Variants in MAPK10 observed in about 807,000 individuals in gnomAD.
MAPK10 encodes the protein JNK3 alpha protein kinase.
Under a neutral mutation model 59.3 loss-of-function variants are expected in MAPK10, and 25 were observed. The observed-to-expected ratio is 0.42, with a 90% CI of 0.31 to 0.59. The LOEUF is 0.59. MAPK10 is among the 20% of genes least tolerant of loss of function. The probability of loss-of-function intolerance (pLI) is 0.15; values close to 1 mark genes in which losing one functional copy is unlikely to be tolerated. For missense variants in MAPK10, 351 were observed against 568.9 expected (o/e 0.62, Z 3.90); for synonymous variants, 190 against 200.5 (o/e 0.95, Z 0.44).
intron 1 of MAPK10, among the ~76,000 whole-genome samples, chr4:86,483,911 G>T (rs751826800): frequency 3.3e-5 from 5 of 152,266 alleles, no homozygotes; most frequent in Non-Finnish European, 5.9e-5. Flanking sequence ...AAAGATTAAA[G>T]AATAAGAGGT....
At chr4:86,286,611 G>A (rs2148812152) in intron 2 of MAPK10, among the ~76,000 whole-genome samples, 1 of 152,298 alleles carries the variant, frequency 6.6e-6, no homozygotes, top group East Asian at 1.9e-4. Flanking sequence ...CAAGGTTAAA[G>A]AGCTAAAAGG....
At chr4:86,041,837 G>C (rs1182080756) in intron 11 of MAPK10, among the ~76,000 whole-genome samples, 1 of 152,204 alleles carries the variant, frequency 6.6e-6, no homozygotes, top group Non-Finnish European at 1.5e-5. Context: ...CGAGGCTGTG[G>C]AGAAACAGGA....
chr4:86,405,792 C>G (rs1744288404), intron 1 of MAPK10, among the ~76,000 whole-genome samples: 1 of 152,138 alleles, frequency 6.6e-6, no homozygotes, highest in East Asian at 1.9e-4. Context: ...AGAGTAGAAT[C>G]TCTGTTTATA....
chr4:86,151,687 T>A (rs2066515117), intron 4 of MAPK10, among the ~76,000 whole-genome samples: 1 of 152,028 alleles, frequency 6.6e-6, no homozygotes, highest in Non-Finnish European at 1.5e-5. Context: ...AGGGATGCCT[T>A]GAAAGAGAGA....
intron 1 of MAPK10, chr4:86,357,945 C>T: frequency 3.2e-6 from 1 of 309,936 alleles, no homozygotes; most frequent in Non-Finnish European, 4.7e-6. Flanking sequence ...TAAGGTCACA[C>T]CACCTTTGTC....
At chr4:86,494,828 G>C (rs1754741314) in intron 1 of MAPK10, among the ~76,000 whole-genome samples, 2 of 102,450 alleles carry the variant, frequency 2.0e-5, no homozygotes, top group South Asian at 7.2e-4. Flanking sequence ...GGGCGACAGA[G>C]AGAGACTCCG....
chr4:86,066,658 G>A (rs2046795297), intron 10 of MAPK10, among the ~76,000 whole-genome samples: 2 of 150,952 alleles, frequency 1.3e-5, no homozygotes, highest in South Asian at 4.2e-4. Flanking sequence ...CCAGCTACTC[G>A]GGAGGTTGAG....
intron 1 of MAPK10, among the ~76,000 whole-genome samples, chr4:86,459,091 A>G (rs914373167): frequency 6.6e-6 from 1 of 152,262 alleles, no homozygotes; most frequent in Non-Finnish European, 1.5e-5. Context: ...GCCATAAAAA[A>G]GTGGGCTAAG....
Position 86,334,715 on chromosome 4 carries a change from AC to A in MAPK10, c.-7+19814del, listed in dbSNP as rs1720010231. On this transcript the variant is annotated intron_variant, in intron 2 of 13. Transcript: ENST00000641462. Reference sequence around the variant, plus strand: ...TTTCCTCAAGGAGACTTCCTCTGACACCCACAGTATATTCAGTACCCTATGC... The same window carrying A: ...TTTCCTCAAGGAGACTTCCTCTGACACCACAGTATATTCAGTACCCTATGC... Among the ~76,000 whole-genome samples the A allele has an allele frequency of 2.6e-5, 4 of 151,516 alleles. No homozygotes were observed. In the Admixed American group the frequency reaches 2.6e-4, roughly 10 times the overall value.
chr4:86,356,550 A>T, intron 1 of MAPK10: 3 of 622,268 alleles, frequency 4.8e-6, no homozygotes, highest in Non-Finnish European at 6.0e-6. Context: ...AAGATATGCA[A>T]AACACAGGTT....
chr4:86,055,732 T>A (rs2044420929), intron 11 of MAPK10, among the ~76,000 whole-genome samples: 1 of 149,814 alleles, frequency 6.7e-6, no homozygotes. Flanking sequence ...TTTAGTGAAA[T>A]GAAGTTTTTC....
intron 9 of MAPK10, among the ~76,000 whole-genome samples, chr4:86,075,353 C>G (rs896174865): frequency 1.3e-5 from 2 of 152,080 alleles, no homozygotes; most frequent in Admixed American, 6.5e-5. Flanking sequence ...CCTCCCGTAG[C>G]TCAGAGTAAT....
At chr4:86,091,773 A>G (rs2053235969) in intron 9 of MAPK10, among the ~76,000 whole-genome samples, 2 of 151,746 alleles carry the variant, frequency 1.3e-5, no homozygotes, top group Non-Finnish European at 2.9e-5. Flanking sequence ...CCCTGGGTTC[A>G]AGTGATTCTC....
At chr4:86,172,555 C>T (rs1441004923) in intron 3 of MAPK10, among the ~76,000 whole-genome samples, 1 of 149,606 alleles carries the variant, frequency 6.7e-6, no homozygotes, top group Admixed American at 6.7e-5. Flanking sequence ...AGGGGAATAT[C>T]ACACTCTGCG....
chr4:86,339,232 AG>A (rs1723446967), intron 2 of MAPK10, among the ~76,000 whole-genome samples: 1 of 152,146 alleles, frequency 6.6e-6, no homozygotes, highest in Admixed American at 6.5e-5. Flanking sequence ...GCAGTGACTA[AG>A]GGAGGCATGC....
chr4:86,152,274 AAAG>A (rs1309260079), intron 4 of MAPK10: 4 of 152,330 alleles, frequency 2.6e-5, no homozygotes, highest in East Asian at 3.9e-4. Context: ...GATAAAAAAT[AAAG>A]AAGAATAGAA....
chr4:86,034,268 G>A (rs2039713843), intron 11 of MAPK10, among the ~76,000 whole-genome samples: 1 of 152,024 alleles, frequency 6.6e-6, no homozygotes, highest in Non-Finnish European at 1.5e-5. Context: ...ATATTATTTT[G>A]GAAGATTTGA....
chr4:86,477,166 G>A lies in MAPK10; in HGVS notation c.-263+116744C>T, dbSNP rs192771942. Among the ~76,000 whole-genome samples the A allele has an allele frequency of 3.1e-3, 474 of 152,120 alleles. 7 individuals are homozygous for A. The highest frequency in any genetic ancestry group is 0.011 in the African/African-American group (459 of 41,478). The stretch of plus-strand genomic sequence containing the variant: ...CCATCCCCTTCTTAATCAATACAGA[G>A]GCTACTCACTCCACATTACCTTATT... On this transcript the variant is annotated intron_variant, in intron 1 of 4. Coordinates refer to the MAPK10 transcript ENST00000502302.
At chr4:86,200,715 T>G (rs1024143615) in intron 2 of MAPK10, among the ~76,000 whole-genome samples, 4 of 151,924 alleles carry the variant, frequency 2.6e-5, no homozygotes, top group African/African-American at 9.7e-5. Context: ...TTTTAATATC[T>G]AATTTTTATG....
Sources: gnomAD v4.1 joint callset for allele counts (sites outside exome capture counted in the v4.1 genomes callset) on GRCh38, gnomAD v4.1.1 for gene constraint, MANE v1.5 for transcripts, NCBI Gene and HGNC (gene_info 2026-07-23, HGNC 2026-07-21) for gene names.